Variants in BIVM observed in about 807,000 individuals in gnomAD.
BIVM encodes the protein basic, immunoglobulin-like variable motif containing.
In BIVM, 31 loss-of-function variants were observed where a neutral mutation model predicts 61.4. That is an observed-to-expected ratio of 0.51 (90% CI 0.38 to 0.68). The LOEUF (loss-of-function observed/expected upper bound fraction) is 0.68. Ranked by LOEUF, BIVM falls within the 30% of genes least tolerant of loss-of-function variation. BIVM has a pLI of 0.00. For missense variants in BIVM, 526 were observed against 596.0 expected, an observed-to-expected ratio of 0.88 and a Z score of 1.22; for synonymous variants, 189 against 210.7, an observed-to-expected ratio of 0.90 and a Z score of 0.89.
chr13:102,841,039 T>C lies in BIVM; in HGVS notation c.*1174T>C, dbSNP rs1367374250. On this transcript the variant is annotated 3_prime_UTR_variant, in exon 11 of 11. Coordinates refer to ENST00000257336, the MANE Select transcript of BIVM (RefSeq NM_017693.4). The stretch of plus-strand genomic sequence containing the variant: ...CCCATATTCCAGACTCTGAGCTGTT[T>C]CCTTTTTAAAAATCATATAGACAAT... 1 of 152,628 alleles carries C rather than the reference T, an allele frequency of 6.6e-6. No individual in the cohort carries two copies. Among genetic ancestry groups the C allele is most frequent in the Non-Finnish European group, 1.5e-5 (1 of 68,044 alleles). 9.5% of individuals were successfully genotyped at this position (152,628 alleles called of 1,614,324 possible).
intron 7 of BIVM, among the ~76,000 whole-genome samples, chr13:102,828,139 T>G (rs376984352): frequency 6.6e-6 from 1 of 152,342 alleles, no homozygotes; most frequent in Admixed American, 6.5e-5. Context: ...CTAAGCACAC[T>G]AATGGAATAA....
At chr13:102,835,373 A>T (rs1203289771) in intron 9 of BIVM, among the ~76,000 whole-genome samples, 1 of 152,144 alleles carries the variant, frequency 6.6e-6, no homozygotes, top group African/African-American at 2.4e-5. Context: ...ATTTTATTAT[A>T]GTTACAGGGT....
At chr13:102,812,940 G>T (rs9557933) in intron 3 of BIVM, among the ~76,000 whole-genome samples, 13,043 of 152,206 alleles carry the variant, frequency 0.086, 915 homozygotes, top group East Asian at 0.38. Context: ...GCCCACCATG[G>T]TTCCCACAAA....
chr13:102,839,574 T>TG lies in BIVM; in HGVS notation c.1226dup (p.Asn410LysfsTer12). On this transcript the variant is annotated frameshift_variant, in exon 11 of 11. Transcript: ENST00000257336. LOFTEE classifies it high-confidence loss of function. ...AGCCAACATTTTTTTCTTCTCAGGT[T>TG]GGGGGAAATTTGCATTGCATCATAG... The TG allele has an allele frequency of 6.2e-7, 1 of 1,612,732 alleles. No individual in the cohort carries two copies. The highest frequency in any genetic ancestry group is 8.5e-7 in the Non-Finnish European group (1 of 1,179,128).
intron 1 of BIVM, among the ~76,000 whole-genome samples, chr13:102,801,312 A>C (rs902147911): frequency 6.6e-6 from 1 of 151,570 alleles, no homozygotes; most frequent in African/African-American, 2.4e-5. Context: ...CAATGGTGCA[A>C]CTGTAACCTC....
At chr13:102,828,832 T>A (rs531504645) in intron 7 of BIVM, among the ~76,000 whole-genome samples, 1 of 152,218 alleles carries the variant, frequency 6.6e-6, no homozygotes, top group South Asian at 2.1e-4. Flanking sequence ...AGTTTGAGAC[T>A]ATCCTGGCCA....
intron 9 of BIVM, among the ~76,000 whole-genome samples, chr13:102,836,620 A>G (rs567473885): frequency 2.6e-5 from 4 of 152,070 alleles, no homozygotes; most frequent in African/African-American, 4.8e-5. Context: ...GGCCTTAATT[A>G]CCTTTTGTGT....
intron 9 of BIVM, among the ~76,000 whole-genome samples, chr13:102,834,852 T>C (rs1566456563): frequency 6.6e-6 from 1 of 152,364 alleles, no homozygotes; most frequent in East Asian, 1.9e-4. Context: ...AAGTAACATT[T>C]TTGAGATTCC....
In BIVM at chr13:102,816,563, ATCAGT is replaced by A. The variant is rs755139914; in HGVS notation, c.605+11_605+15del. ...TTAGACCTCAGACGATGGTGATGTT[ATCAGT>A]TTTTATTTTTTTCATTTTTGAAATA... On this transcript the variant is annotated intron_variant, in intron 4 of 10. Transcript: ENST00000257336. The A allele has an allele frequency of 1.1e-4, 167 of 1,498,624 alleles. No homozygotes were observed. The highest frequency in any genetic ancestry group is 2.3e-5 in the Non-Finnish European group (26 of 1,130,392). The allele number at this position is 1,498,624 out of a possible 1,614,324, so 92.8% of individuals were successfully genotyped here.
At chr13:102,821,685 C>A in intron 5 of BIVM, 58 bp from the exon 6 acceptor site, 2 of 1,463,366 alleles carry the variant, frequency 1.4e-6, no homozygotes, top group Non-Finnish European at 1.9e-6. Context: ...TTGAGACAGG[C>A]TGTATTTGCG....
Position 102,839,819 on chromosome 13 carries a change from G to A in BIVM, c.1466G>A (p.Arg489Lys). Reference protein sequence around the residue: ...WKKMSSIHERRNSGYQGYSDY... With the variant: ...WKKMSSIHERKNSGYQGYSDY... ...AAGATGTCTAGTATCCATGAGAGAA[G>A]GAACAGTGGTTACCAGGGTTACAGT... Residue 489 changes from arginine to lysine, a missense_variant, in exon 11 of 11, where the codon AGG becomes AAG. Arg to Lys is a conservative substitution (Grantham distance 26, BLOSUM62 2). Around this residue, in one of 3 missense-constraint regions of BIVM, gnomAD observed 210 missense variants for 233.1 expected, o/e 0.90. Coordinates refer to ENST00000257336, the MANE Select transcript of BIVM (RefSeq NM_017693.4). 1 of 1,613,906 alleles carries A rather than the reference G, an allele frequency of 6.2e-7. No homozygotes were observed. Among genetic ancestry groups the A allele is most frequent in the Non-Finnish European group, 8.5e-7 (1 of 1,180,040 alleles).
chr13:102,806,480 C>T (rs1171019732), intron 2 of BIVM, among the ~76,000 whole-genome samples: 2 of 152,078 alleles, frequency 1.3e-5, no homozygotes, highest in Non-Finnish European at 2.9e-5. Context: ...GAACTCCTGA[C>T]CCCAAGTGAT....
chr13:102,799,894 C>A (rs1878628586), intron 1 of BIVM, among the ~76,000 whole-genome samples: 1 of 152,204 alleles, frequency 6.6e-6, no homozygotes, highest in African/African-American at 2.4e-5. Context: ...GGCCGTCGGT[C>A]TCCACGCCAC....
chr13:102,835,494 C>T (rs544530878), intron 9 of BIVM, among the ~76,000 whole-genome samples: 1 of 152,280 alleles, frequency 6.6e-6, no homozygotes, highest in South Asian at 2.1e-4. Context: ...AACCACTGAT[C>T]TACCTTCTGT....
chr13:102,811,605 C>T (rs544948803), intron 3 of BIVM, among the ~76,000 whole-genome samples: 2 of 152,238 alleles, frequency 1.3e-5, no homozygotes, highest in African/African-American at 4.8e-5. Context: ...CTCACCACAA[C>T]CTCCACCTTC....
chr13:102,830,841 G>A (rs1468665376), intron 7 of BIVM, among the ~76,000 whole-genome samples: 1 of 152,134 alleles, frequency 6.6e-6, no homozygotes, highest in African/African-American at 2.4e-5. Flanking sequence ...TGAATCCCAG[G>A]TTGCCACACA....
intron 5 of BIVM, 117 bp downstream of exon 5, chr13:102,821,249 A>G: frequency 1.2e-6 from 1 of 857,766 alleles, no homozygotes; most frequent in Non-Finnish European, 1.7e-6. Context: ...ACCCTGCTGT[A>G]TTTTAGTGTA....
intron 7 of BIVM, among the ~76,000 whole-genome samples, chr13:102,830,113 C>G (rs2140490991): frequency 6.6e-6 from 1 of 152,172 alleles, no homozygotes; most frequent in East Asian, 1.9e-4. Context: ...ATCTTGAATG[C>G]TACTTCTTCT....
chr13:102,831,873 CAAAAAAAA>C (rs67223159), intron 8 of BIVM, among the ~76,000 whole-genome samples, 176 bp downstream of exon 8: 6 of 105,582 alleles, frequency 5.7e-5, no homozygotes, highest in African/African-American at 2.2e-4. Flanking sequence ...ACTAAAAATA[CAAAAAAAA>C]AAAAAAAAAA....
Sources: gnomAD v4.1 joint callset for allele counts (sites outside exome capture counted in the v4.1 genomes callset) on GRCh38, gnomAD v4.1.1 for gene constraint, gnomAD v4.1.1 regional missense constraint, MANE v1.5 for transcripts, NCBI Gene and HGNC (gene_info 2026-07-23, HGNC 2026-07-21) for gene names.